TRAF3IP2: variants seen among roughly 807,000 people sequenced by gnomAD.
TRAF3IP2 encodes the protein E3 ubiquitin ligase TRAF3IP2.
In TRAF3IP2, 35 loss-of-function variants were observed where a neutral mutation model predicts 57.9. That is an observed-to-expected ratio of 0.60 (90% CI 0.46 to 0.80). The LOEUF (loss-of-function observed/expected upper bound fraction) is 0.80, where lower values mean the gene tolerates loss of function less well. Ranked by LOEUF, TRAF3IP2 falls within the 30% of genes least tolerant of loss-of-function variation. The probability of loss-of-function intolerance (pLI) is 0.00; values close to 1 mark genes in which losing one functional copy is unlikely to be tolerated. For missense variants in TRAF3IP2, 556 were observed against 706.4 expected, an observed-to-expected ratio of 0.79 and a Z score of 2.41; for synonymous variants, 251 against 268.9, an observed-to-expected ratio of 0.93 and a Z score of 0.65.
chr6:111,583,283 C>A (rs1274217559), intron 2 of TRAF3IP2, among the ~76,000 whole-genome samples: 2 of 152,204 alleles, frequency 1.3e-5, no homozygotes, highest in African/African-American at 4.8e-5. Flanking sequence ...ACTGCACAAT[C>A]TATTAATACT....
At chr6:111,585,629 G>A (rs567224204) in intron 2 of TRAF3IP2, among the ~76,000 whole-genome samples, 7 of 152,196 alleles carry the variant, frequency 4.6e-5, no homozygotes, top group Middle Eastern at 3.4e-3. Flanking sequence ...CATATGAGTC[G>A]ACAGCCACCT....
intron 1 of TRAF3IP2, among the ~76,000 whole-genome samples, chr6:111,603,162 CAT>C (rs559832549): frequency 3.3e-3 from 501 of 152,292 alleles, no homozygotes; most frequent in South Asian, 0.014. Flanking sequence ...CAGCCAAGCA[CAT>C]GTGTGCTTCT....
chr6:111,573,013 A>G (rs1037565381), intron 4 of TRAF3IP2, 30 bp from the exon 5 acceptor site: 6 of 1,497,242 alleles, frequency 4.0e-6, no homozygotes, highest in Non-Finnish European at 5.6e-6. Flanking sequence ...TTTATTAGAA[A>G]CTGATCAAAT....
chr6:111,583,098 C>T (rs1385064929), intron 2 of TRAF3IP2, among the ~76,000 whole-genome samples: 3 of 152,224 alleles, frequency 2.0e-5, no homozygotes, highest in Admixed American at 1.3e-4. Context: ...TTTTACCTGT[C>T]AACTTCTTGC....
chr6:111,564,719 G>C (rs1190310118), intron 7 of TRAF3IP2, among the ~76,000 whole-genome samples: 3 of 152,192 alleles, frequency 2.0e-5, no homozygotes, highest in South Asian at 2.1e-4. Context: ...ACCAAGTTTG[G>C]CGACAGTTTG....
At chr6:111,601,011 T>C (rs1432962102) in intron 1 of TRAF3IP2, 4 of 513,338 alleles carry the variant, frequency 7.8e-6, no homozygotes, top group Non-Finnish European at 1.4e-5. Flanking sequence ...CGAGGTCACA[T>C]GGCTATTAAG....
chr6:111,568,446 T>A lies in TRAF3IP2; in HGVS notation c.1291-754A>T, dbSNP rs1440105959. Among the ~76,000 whole-genome samples the A allele has an allele frequency of 4.4e-4, 3 of 6,824 alleles. No individual in the cohort carries two copies. In the Admixed American group the frequency reaches 5.1e-3, roughly 12 times the overall value. The allele number at this position is 6,824 out of a possible 152,430, so 4.5% of individuals were successfully genotyped here. ...TTATACTGCAGAGTGTGTGTGTGTGTGTGTGTGTGTGTGTGTGTGTGTGTG... is the reference window on the plus strand; with the variant it reads ...TTATACTGCAGAGTGTGTGTGTGTGAGTGTGTGTGTGTGTGTGTGTGTGTG... On this transcript the variant is annotated intron_variant, in intron 5 of 8. Transcript: ENST00000368761.
intron 1 of TRAF3IP2, chr6:111,601,758 A>T (rs1339919475): frequency 6.6e-6 from 1 of 152,226 alleles, no homozygotes; most frequent in Non-Finnish European, 1.5e-5. Flanking sequence ...GGATCCTGAG[A>T]TCTACTTCGG....
chr6:111,601,598 C>A (rs548571481), intron 1 of TRAF3IP2: 1 of 167,584 alleles, frequency 6.0e-6, no homozygotes. Flanking sequence ...ATTAACAGCT[C>A]CTCCATAATC....
intron 2 of TRAF3IP2, among the ~76,000 whole-genome samples, chr6:111,589,451 G>C (rs768043288): frequency 1.3e-5 from 2 of 152,076 alleles, no homozygotes; most frequent in Admixed American, 6.5e-5. Context: ...TTTAAACCTG[G>C]CAATCACTGA....
chr6:111,594,805 CTTGGGAGGCTG>C (rs1796628291), intron 1 of TRAF3IP2, among the ~76,000 whole-genome samples: 1 of 152,004 alleles, frequency 6.6e-6, no homozygotes, highest in African/African-American at 2.4e-5. Context: ...GTCCCAGCTA[CTTGGGAGGCTG>C]AGGTGAGAGG....
At chr6:111,599,683 C>T (rs532969298) in intron 1 of TRAF3IP2, among the ~76,000 whole-genome samples, 19 of 152,302 alleles carry the variant, frequency 1.2e-4, no homozygotes, top group African/African-American at 4.1e-4. Context: ...TATTAGTCTT[C>T]ACAGCGCTAC....
At chr6:111,595,175 T>G (rs1796643487) in intron 1 of TRAF3IP2, among the ~76,000 whole-genome samples, 1 of 152,108 alleles carries the variant, frequency 6.6e-6, no homozygotes, top group East Asian at 1.9e-4. Flanking sequence ...GAGGTTGCAG[T>G]GAGCTGAGAT....
At chr6:111,581,485 T>A (rs1796163289) in intron 2 of TRAF3IP2, among the ~76,000 whole-genome samples, 1 of 152,188 alleles carries the variant, frequency 6.6e-6, no homozygotes, top group Non-Finnish European at 1.5e-5. Flanking sequence ...CTCATTGATC[T>A]TAAAATTATT....
chr6:111,577,096 A>G (rs1274223926), intron 3 of TRAF3IP2: 5 of 147,884 alleles, frequency 3.4e-5, no homozygotes, highest in African/African-American at 1.0e-4. Flanking sequence ...AATAATTTCT[A>G]TAAAATATGC....
intron 1 of TRAF3IP2, among the ~76,000 whole-genome samples, chr6:111,593,509 A>G (rs1449298797): frequency 6.6e-6 from 1 of 152,158 alleles, no homozygotes; most frequent in East Asian, 1.9e-4. Flanking sequence ...TTAACAGCCT[A>G]CAGAAAGATA....
chr6:111,559,355 A>G lies in TRAF3IP2; in HGVS notation c.*50T>C, dbSNP rs1795348451. 2 of 1,592,540 alleles carry G rather than the reference A, an allele frequency of 1.3e-6. No homozygotes were observed. The highest frequency in any genetic ancestry group is 1.7e-6 in the Non-Finnish European group (2 of 1,170,292). ...CCAGCCTCAGCCAGAATGCTGTCAGAACAAGGCCCCAAACATGGCCTGGCC... is the reference window on the plus strand; with the variant it reads ...CCAGCCTCAGCCAGAATGCTGTCAGGACAAGGCCCCAAACATGGCCTGGCC... On this transcript the variant is annotated 3_prime_UTR_variant, in exon 9 of 9. Transcript: ENST00000368761.
At chr6:111,598,453 T>C (rs1796764739) in intron 1 of TRAF3IP2, among the ~76,000 whole-genome samples, 1 of 152,232 alleles carries the variant, frequency 6.6e-6, no homozygotes, top group Non-Finnish European at 1.5e-5. Flanking sequence ...AAGGTTCTGA[T>C]TTTTAAAACT....
intron 5 of TRAF3IP2, among the ~76,000 whole-genome samples, chr6:111,571,313 G>T (rs1583221556): frequency 6.6e-6 from 1 of 151,992 alleles, no homozygotes. Context: ...CCTGACCTCA[G>T]GTGATCTGCC....
Sources: allele counts gnomAD v4.1 joint callset (sites outside exome capture counted in the v4.1 genomes callset), GRCh38; gene constraint gnomAD v4.1.1; transcripts MANE v1.5; gene names NCBI Gene and HGNC (gene_info 2026-07-23, HGNC 2026-07-21).